Variants in EPHA6 observed in about 807,000 individuals in gnomAD.
EPHA6 encodes ephrin type-A receptor 6.
Under a neutral mutation model 112.0 loss-of-function variants are expected in EPHA6, and 50 were observed. That is an observed-to-expected ratio of 0.45 (90% CI 0.36 to 0.56). The LOEUF (loss-of-function observed/expected upper bound fraction) is 0.56. EPHA6 is among the 20% of genes least tolerant of loss of function. The pLI is 0.00. For missense variants in EPHA6, 1,280 were observed against 1,417.4 expected (o/e 0.90, Z 1.56); for synonymous variants, 529 against 490.7 (o/e 1.08, Z -1.03).
intron 3 of EPHA6, among the ~76,000 whole-genome samples, chr3:97,082,708 G>C (rs535857677): frequency 2.0e-5 from 3 of 151,746 alleles, no homozygotes; most frequent in African/African-American, 7.3e-5. Flanking sequence ...AGTGATATGC[G>C]TGTAACACCT....
intron 5 of EPHA6, among the ~76,000 whole-genome samples, chr3:97,301,048 T>C (rs1473432898): frequency 6.6e-6 from 1 of 152,100 alleles, no homozygotes; most frequent in Non-Finnish European, 1.5e-5. Context: ...CAGCCTTTGA[T>C]ATTCTCATTT....
rs2036136860 is a variant in EPHA6, at chr3:97,760,569, C to A, written c.*11868C>A. The stretch of plus-strand genomic sequence containing the variant: ...ATATAAAGATATAGATGTACATATA[C>A]ATATGTATTTGATTAAACACTTTAA... On this transcript the variant is annotated 3_prime_UTR_variant, in exon 18 of 18. Transcript: ENST00000389672. 5.6e-6 allele frequency: 1 copy of A among 178,686 alleles called. No individual in the cohort carries two copies. Among genetic ancestry groups the A allele is most frequent in the African/African-American group, 2.4e-5 (1 of 42,218 alleles). 11.1% of individuals were successfully genotyped at this position (178,686 alleles called of 1,614,324 possible).
At chr3:97,420,099 A>C (rs1252947007) in intron 6 of EPHA6, among the ~76,000 whole-genome samples, 1 of 152,182 alleles carries the variant, frequency 6.6e-6, no homozygotes, top group Non-Finnish European at 1.5e-5. Flanking sequence ...TCAACACTAA[A>C]TATTAAGTTT....
intron 3 of EPHA6, among the ~76,000 whole-genome samples, chr3:97,221,431 A>G (rs1377767447): frequency 6.6e-6 from 1 of 151,850 alleles, no homozygotes; most frequent in African/African-American, 2.4e-5. Flanking sequence ...TTCCTACATG[A>G]TTCTGTAGAA....
chr3:96,953,923 A>T (rs983244274), intron 2 of EPHA6, among the ~76,000 whole-genome samples: 2 of 151,490 alleles, frequency 1.3e-5, no homozygotes, highest in Non-Finnish European at 2.9e-5. Flanking sequence ...CTCAGGCTGG[A>T]GTGCAGTGGC....
At chr3:97,287,745 C>A (rs1257742978) in intron 5 of EPHA6, among the ~76,000 whole-genome samples, 3 of 152,140 alleles carry the variant, frequency 2.0e-5, no homozygotes, top group Non-Finnish European at 4.4e-5. Context: ...ACCCTTGCAT[C>A]CCTGGGATGA....
chr3:97,516,123 A>G (rs75186434), intron 10 of EPHA6, among the ~76,000 whole-genome samples: 3,786 of 152,288 alleles, frequency 0.025, 176 homozygotes, highest in African/African-American at 0.086. Context: ...ACATAGCTTT[A>G]CAAATATTTA....
At chr3:97,559,216 A>G (rs1234613288) in intron 11 of EPHA6, among the ~76,000 whole-genome samples, 2 of 152,016 alleles carry the variant, frequency 1.3e-5, no homozygotes, top group African/African-American at 4.8e-5. Flanking sequence ...CAAACTATAC[A>G]TAACCATTAA....
At chr3:97,704,396 C>T (rs992806038) in intron 14 of EPHA6, among the ~76,000 whole-genome samples, 2 of 152,126 alleles carry the variant, frequency 1.3e-5, no homozygotes, top group Non-Finnish European at 2.9e-5. Context: ...TCTTCTGGAC[C>T]TGGGATATCC....
At chr3:97,430,460 G>A (rs1258433214) in intron 6 of EPHA6, among the ~76,000 whole-genome samples, 1 of 151,796 alleles carries the variant, frequency 6.6e-6, no homozygotes, top group African/African-American at 2.4e-5. Flanking sequence ...TTCACACAAT[G>A]GTCTTATTAA....
chr3:97,282,393 G>A (rs796552934), intron 5 of EPHA6, among the ~76,000 whole-genome samples: 2 of 152,274 alleles, frequency 1.3e-5, no homozygotes, highest in African/African-American at 4.8e-5. Context: ...TGGTGGGAAT[G>A]TAAATTAGTT....
At chr3:97,404,588 A>C (rs140455990) in intron 5 of EPHA6, among the ~76,000 whole-genome samples, 238 of 152,282 alleles carry the variant, frequency 1.6e-3, no homozygotes, top group African/African-American at 5.3e-3. Flanking sequence ...TGATTCTGAA[A>C]ATAACTTCTA....
chr3:97,603,788 G>C (rs974476953), intron 12 of EPHA6, among the ~76,000 whole-genome samples: 1 of 151,836 alleles, frequency 6.6e-6, no homozygotes, highest in African/African-American at 2.4e-5. Flanking sequence ...TCTACCCTAA[G>C]AGAAACCATC....
intron 6 of EPHA6, among the ~76,000 whole-genome samples, chr3:97,424,655 A>T (rs1195925848): frequency 6.6e-6 from 1 of 151,940 alleles, no homozygotes; most frequent in Non-Finnish European, 1.5e-5. Flanking sequence ...AATACAAAAA[A>T]ATTAGCCAGG....
chr3:97,434,255 A>T (rs1475606306), intron 6 of EPHA6, among the ~76,000 whole-genome samples: 1 of 152,178 alleles, frequency 6.6e-6, no homozygotes, highest in Non-Finnish European at 1.5e-5. Context: ...AAGCCCTATC[A>T]GTAATTTATT....
At chr3:97,103,107 C>A (rs1006840581) in intron 3 of EPHA6, among the ~76,000 whole-genome samples, 1 of 152,058 alleles carries the variant, frequency 6.6e-6, no homozygotes, top group Non-Finnish European at 1.5e-5. Flanking sequence ...TTGATAGTTT[C>A]TTTTGCTGTG....
rs549434859 is a variant in EPHA6 at position 97,312,295 on chromosome 3, G to A, written c.1606+68008G>A. On this transcript the variant is annotated intron_variant, in intron 5 of 17. Coordinates refer to ENST00000389672, the MANE Select transcript of EPHA6 (RefSeq NM_001080448.3). The stretch of plus-strand genomic sequence containing the variant: ...TTTTCATGACCTATTATACCAACTA[G>A]GACCTCCAATAAAATAGAGAACAGA... Among the ~76,000 whole-genome samples the A allele has an allele frequency of 1.2e-3, 175 of 151,460 alleles. 1 individual carries two copies. Among genetic ancestry groups the A allele is most frequent in the African/African-American group, 4.0e-3 (167 of 41,402 alleles).
chr3:97,387,010 G>A (rs2086107331), intron 5 of EPHA6, among the ~76,000 whole-genome samples: 2 of 152,210 alleles, frequency 1.3e-5, no homozygotes, highest in Admixed American at 6.5e-5. Context: ...GAGCAGTCAT[G>A]ATGAAGAGCA....
intron 3 of EPHA6, among the ~76,000 whole-genome samples, chr3:97,009,648 G>T (rs79419643): frequency 1.3e-5 from 2 of 152,224 alleles, no homozygotes; most frequent in Non-Finnish European, 2.9e-5. Context: ...AAGGAGTTTC[G>T]TTGGCTTAAG....
Sources: allele counts gnomAD v4.1 joint callset (sites outside exome capture counted in the v4.1 genomes callset), GRCh38; gene constraint gnomAD v4.1.1; transcripts MANE v1.5; gene names NCBI Gene and HGNC (gene_info 2026-07-23, HGNC 2026-07-21).